The following CNTNAP5 variants were observed in gnomAD, a reference collection of about 807,000 sequenced individuals.
The protein encoded by CNTNAP5 is contactin-associated protein-like 5.
A neutral mutation model predicts 150.2 loss-of-function variants in CNTNAP5; 72 were observed. The ratio of observed to expected loss-of-function variants is 0.48; its 90% confidence interval spans 0.40 to 0.58. The LOEUF is 0.58. CNTNAP5 is among the 20% of genes least tolerant of loss of function. CNTNAP5 has a pLI of 0.00. For missense variants in CNTNAP5, 1,636 were observed against 1,626.2 expected (o/e 1.01, Z -0.10); for synonymous variants, 672 against 619.8 (o/e 1.08, Z -1.25).
chr2:124,574,816 T>C (rs1696241189), intron 11 of CNTNAP5, among the ~76,000 whole-genome samples: 1 of 152,244 alleles, frequency 6.6e-6, no homozygotes, highest in African/African-American at 2.4e-5. Context: ...ATTTTGACTA[T>C]GTAATTCAGA....
At chr2:124,646,242 A>C (rs1678199710) in intron 12 of CNTNAP5, among the ~76,000 whole-genome samples, 1 of 152,208 alleles carries the variant, frequency 6.6e-6, no homozygotes, top group Admixed American at 6.5e-5. Context: ...AGAGCTAGTG[A>C]GGGAGAAAGG....
chr2:124,841,718 C>T (rs985431461), intron 19 of CNTNAP5, among the ~76,000 whole-genome samples: 10 of 152,064 alleles, frequency 6.6e-5, no homozygotes, highest in African/African-American at 2.4e-4. Context: ...ACCGTTGTCC[C>T]TGGTACATGA....
Position 124,424,656 on chromosome 2 carries a change from A to G in CNTNAP5, c.529+7066A>G, listed in dbSNP as rs552119880. On this transcript the variant is annotated intron_variant, in intron 4 of 23. Transcript: ENST00000682447. ...TGTGATCTTCCATCTTAAATCAATGACTTCTTTATAACTTTTCTGACTGGT... is the reference window on the plus strand; with the variant it reads ...TGTGATCTTCCATCTTAAATCAATGGCTTCTTTATAACTTTTCTGACTGGT... Among the ~76,000 whole-genome samples the G allele has an allele frequency of 3.7e-4, 56 of 152,290 alleles. 1 individual carries two copies. The South Asian group carries it at 0.011, about 30-fold the overall frequency.
chr2:124,073,059 T>G (rs555714087), intron 1 of CNTNAP5, among the ~76,000 whole-genome samples: 1 of 151,990 alleles, frequency 6.6e-6, no homozygotes, highest in African/African-American at 2.4e-5. Flanking sequence ...AATTCATACA[T>G]CTATAGTGAA....
At chr2:124,495,057 G>A (rs1214263596) in intron 7 of CNTNAP5, among the ~76,000 whole-genome samples, 1 of 151,590 alleles carries the variant, frequency 6.6e-6, no homozygotes, top group Admixed American at 6.6e-5. Context: ...ATTTATATGG[G>A]TATATTTCAC....
intron 1 of CNTNAP5, among the ~76,000 whole-genome samples, chr2:124,129,033 A>T (rs545977447): frequency 2.0e-5 from 3 of 152,066 alleles, no homozygotes; most frequent in Non-Finnish European, 4.4e-5. Flanking sequence ...CACATTGTGC[A>T]CATGTACCCT....
chr2:124,585,430 C>G (rs1397302287), intron 11 of CNTNAP5, among the ~76,000 whole-genome samples: 2 of 152,116 alleles, frequency 1.3e-5, no homozygotes, highest in African/African-American at 2.4e-5. Flanking sequence ...GCATCAAAGT[C>G]TAACAGGAAG....
At chr2:124,388,325 T>C (rs973435176) in intron 3 of CNTNAP5, among the ~76,000 whole-genome samples, 2 of 151,946 alleles carry the variant, frequency 1.3e-5, no homozygotes, top group African/African-American at 2.4e-5. Flanking sequence ...GCAGCAGTCA[T>C]TGAAGCTACC....
rs537217360 is a variant in CNTNAP5, at chr2:124,047,874, A to G, written c.82+22142A>G. 2.0e-5 allele frequency among the ~76,000 whole-genome samples: 3 copies of G among 152,226 alleles called. No individual in the cohort carries two copies. In the East Asian group the frequency reaches 5.8e-4, roughly 30 times the overall value. The stretch of plus-strand genomic sequence containing the variant: ...TGCCTTCATGCCACTTAGACCCAGG[A>G]TCAGGGAAGCCCAGAGCATTGTTTC... On this transcript the variant is annotated intron_variant, in intron 1 of 23. Coordinates refer to ENST00000682447, the MANE Select transcript of CNTNAP5 (RefSeq NM_001367498.1).
intron 13 of CNTNAP5, among the ~76,000 whole-genome samples, chr2:124,725,068 C>T (rs977942926): frequency 6.6e-6 from 1 of 151,632 alleles, no homozygotes; most frequent in Non-Finnish European, 1.5e-5. Flanking sequence ...TTCTTCTGTA[C>T]AGGGTCTCAC....
chr2:124,629,185 G>GA (rs975361955), intron 12 of CNTNAP5, among the ~76,000 whole-genome samples: 19 of 152,144 alleles, frequency 1.2e-4, no homozygotes, highest in Non-Finnish European at 2.2e-4. Context: ...TTCAAGGCTT[G>GA]AATGCAGCTC....
chr2:124,236,181 G>A (rs1363660520), intron 2 of CNTNAP5, among the ~76,000 whole-genome samples: 2 of 152,034 alleles, frequency 1.3e-5, no homozygotes, highest in Admixed American at 1.3e-4. Flanking sequence ...GGCCACACTG[G>A]TCTTGAATTC....
intron 17 of CNTNAP5, among the ~76,000 whole-genome samples, chr2:124,782,661 A>C (rs1483793720): frequency 6.6e-6 from 1 of 152,190 alleles, no homozygotes; most frequent in Non-Finnish European, 1.5e-5. Context: ...AAAGAACTTT[A>C]AAAGAAAAAA....
At chr2:124,496,050 C>T (rs760745458) in intron 7 of CNTNAP5, among the ~76,000 whole-genome samples, 6 of 152,062 alleles carry the variant, frequency 3.9e-5, no homozygotes, top group Non-Finnish European at 1.5e-5. Flanking sequence ...GTGGGCGGGT[C>T]TGAGTCTGTC....
At chr2:124,536,104 A>C (rs1452667353) in intron 10 of CNTNAP5, among the ~76,000 whole-genome samples, 2 of 152,218 alleles carry the variant, frequency 1.3e-5, no homozygotes, top group Non-Finnish European at 2.9e-5. Context: ...CTGAGCTTCT[A>C]ACTCTGAAGT....
chr2:124,856,075 GGTGTGTGTGTGTGT>G (rs56676705), intron 19 of CNTNAP5, among the ~76,000 whole-genome samples: 11 of 144,234 alleles, frequency 7.6e-5, no homozygotes, highest in South Asian at 6.9e-4. Context: ...AATAGTCCAT[GGTGTGTGTGTGTGT>G]GTGTGTGTGT....
chr2:124,496,802 G>A (rs566522418), intron 7 of CNTNAP5, among the ~76,000 whole-genome samples: 9 of 152,316 alleles, frequency 5.9e-5, no homozygotes, highest in Non-Finnish European at 1.3e-4. Context: ...AATGGGAGCA[G>A]ACTGTCTGTC....
In CNTNAP5 at chr2:124,572,458, G is replaced by A. The variant is rs112458249; in HGVS notation, c.1756+9135G>A. Among the ~76,000 whole-genome samples the A allele has an allele frequency of 2.0e-3, 312 of 152,210 alleles. 2 individuals carry two copies. The highest frequency in any genetic ancestry group is 7.1e-3 in the African/African-American group (294 of 41,536). ...AAACCTGCATGTGTACCCCCAAACC[G>A]AAAATAAAATTTAAAAAGGAAGAAA... On this transcript the variant is annotated intron_variant, in intron 11 of 23. Transcript: ENST00000682447.
At chr2:124,474,635 C>A in intron 6 of CNTNAP5, 104 bp from the exon 7 acceptor site, 1 of 919,738 alleles carries the variant, frequency 1.1e-6, no homozygotes, top group Non-Finnish European at 1.6e-6. Context: ...AGCCATTTGG[C>A]TCAAGCATAC....
Sources: allele counts gnomAD v4.1 joint callset (sites outside exome capture counted in the v4.1 genomes callset), GRCh38; gene constraint gnomAD v4.1.1; transcripts MANE v1.5; gene names NCBI Gene and HGNC (gene_info 2026-07-23, HGNC 2026-07-21).